SAMD8: variants seen among roughly 807,000 people sequenced by gnomAD.
SAMD8 encodes sterile alpha motif domain containing 8.
Under a neutral mutation model 42.0 loss-of-function variants are expected in SAMD8, and 20 were observed. The observed-to-expected ratio is 0.48, with a 90% CI of 0.34 to 0.69. The LOEUF (loss-of-function observed/expected upper bound fraction) is 0.69, where lower values mean the gene tolerates loss of function less well. Ranked by LOEUF, SAMD8 falls within the 30% of genes least tolerant of loss-of-function variation. SAMD8 has a pLI of 0.01. For synonymous variants in SAMD8, 162 were observed against 173.0 expected (o/e 0.94, Z 0.50); for missense variants, 328 against 511.6 (o/e 0.64, Z 3.46).
chr10:75,141,398 G>A (rs1449564095), intron 1 of SAMD8, among the ~76,000 whole-genome samples: 2 of 151,342 alleles, frequency 1.3e-5, no homozygotes, highest in African/African-American at 4.8e-5. Context: ...TTTGTTTGTC[G>A]ATACTATATG....
Position 75,179,989 on chromosome 10 carries a change from C to G in SAMD8, c.*3297C>G, listed in dbSNP as rs1002241290. On this transcript the variant is annotated 3_prime_UTR_variant, in exon 6 of 6. Transcript: ENST00000542569. Reference sequence around the variant, plus strand: ...AGTCTTCAATGCATTTTCTGTGTTCCTGGCAGCAGTGTTGCCTTTTTTTTT... The same window carrying G: ...AGTCTTCAATGCATTTTCTGTGTTCGTGGCAGCAGTGTTGCCTTTTTTTTT... The G allele has an allele frequency of 6.6e-6, 1 of 151,320 alleles. No individual in the cohort carries two copies. Among genetic ancestry groups the G allele is most frequent in the East Asian group, 1.9e-4 (1 of 5,164 alleles). 9.4% of individuals were successfully genotyped at this position (151,320 alleles called of 1,614,324 possible).
intron 1 of SAMD8, among the ~76,000 whole-genome samples, chr10:75,144,054 G>T (rs1368691062): frequency 1.4e-5 from 2 of 147,846 alleles, no homozygotes; most frequent in Non-Finnish European, 3.0e-5. Context: ...TGCAACCTCT[G>T]CCTCCCGGGT....
At chr10:75,107,926 G>A, upstream of SAMD8, 1 of 1,508,866 alleles carries the variant, frequency 6.6e-7, no homozygotes, top group Non-Finnish European at 9.0e-7. Context: ...TGATGACTGA[G>A]AGGAAATGAG....
chr10:75,163,587 A>G (rs896532136), intron 2 of SAMD8, among the ~76,000 whole-genome samples: 6 of 152,038 alleles, frequency 3.9e-5, no homozygotes, highest in African/African-American at 1.4e-4. Flanking sequence ...GGCGCGCAGC[A>G]CCGCATCTGG....
rs1002824084 is a variant in SAMD8, at chr10:75,105,174, C to G, written c.-16+5446C>G. ...ATTAGCTAAGCCTGGAAAGTTTTCT[C>G]TGTGGCACTGTACCTGGGGTCCAGA... On this transcript the variant is annotated intron_variant, in intron 1 of 3. Transcript: ENST00000447533. Among the ~76,000 whole-genome samples the G allele has an allele frequency of 2.6e-5, 4 of 152,146 alleles. No individual in the cohort carries two copies. The East Asian group carries it at 7.8e-4, about 30-fold the overall frequency.
At chr10:75,132,638 A>C (rs1028218138) in intron 1 of SAMD8, among the ~76,000 whole-genome samples, 2 of 152,134 alleles carry the variant, frequency 1.3e-5, no homozygotes, top group Non-Finnish European at 2.9e-5. Flanking sequence ...ATAAAGAGAA[A>C]TATGTAATAA....
intron 1 of SAMD8, among the ~76,000 whole-genome samples, chr10:75,100,873 C>T (rs1398512453): frequency 2.6e-5 from 4 of 152,264 alleles, no homozygotes; most frequent in Non-Finnish European, 5.9e-5. Flanking sequence ...CCTCCCATGA[C>T]GCTGCTCTGT....
At chr10:75,105,733 T>G in intron 1 of SAMD8, 1 of 1,554,618 alleles carries the variant, frequency 6.4e-7, no homozygotes, top group Non-Finnish European at 8.7e-7. Context: ...GAAGCCTCGG[T>G]TGGGGAAGAC....
chr10:75,163,579 C>A (rs764894479), intron 2 of SAMD8, among the ~76,000 whole-genome samples: 7 of 152,034 alleles, frequency 4.6e-5, no homozygotes, highest in African/African-American at 7.2e-5. Context: ...GACTTACAGG[C>A]GCGCAGCACC....
chr10:75,130,548 T>A (rs981140829), intron 1 of SAMD8, among the ~76,000 whole-genome samples: 2 of 152,070 alleles, frequency 1.3e-5, no homozygotes, highest in Non-Finnish European at 2.9e-5. Flanking sequence ...AAATCTCTGG[T>A]AGGATTTAGT....
At chr10:75,104,070 G>A in intron 1 of SAMD8, 2 of 1,359,700 alleles carry the variant, frequency 1.5e-6, no homozygotes. Context: ...AAGTGGCAGA[G>A]CCCCATGGCA....
chr10:75,115,199 T>G (rs1227799180), intron 1 of SAMD8, among the ~76,000 whole-genome samples: 1 of 152,242 alleles, frequency 6.6e-6, no homozygotes, highest in Non-Finnish European at 1.5e-5. Context: ...CATGTGATTT[T>G]GGGAATTCTT....
chr10:75,105,928 G>A, intron 1 of SAMD8: 1 of 1,489,708 alleles, frequency 6.7e-7, no homozygotes. Flanking sequence ...CACGGGCTGG[G>A]ATGGGGACCC....
chr10:75,152,536 GAAAAA>G (rs541773032), intron 2 of SAMD8, among the ~76,000 whole-genome samples: 3 of 130,292 alleles, frequency 2.3e-5, no homozygotes, highest in Non-Finnish European at 4.9e-5. Context: ...AAAAAAAAAA[GAAAAA>G]AAAAAAAGAA....
intron 1 of SAMD8, among the ~76,000 whole-genome samples, chr10:75,137,654 A>G (rs1564682413): frequency 6.6e-6 from 1 of 152,238 alleles, no homozygotes; most frequent in African/African-American, 2.4e-5. Flanking sequence ...CTTATGTGAA[A>G]TATCTAGAAT....
intron 1 of SAMD8, among the ~76,000 whole-genome samples, chr10:75,148,870 G>A (rs1840212499): frequency 1.3e-5 from 2 of 152,142 alleles, no homozygotes; most frequent in African/African-American, 4.8e-5. Flanking sequence ...TGAAAATAAA[G>A]TTTAATCTAA....
intron 2 of SAMD8, among the ~76,000 whole-genome samples, chr10:75,160,397 G>A (rs1344624573): frequency 9.3e-5 from 14 of 150,894 alleles, no homozygotes; most frequent in Admixed American, 2.6e-4. Flanking sequence ...TAGTAGGGAC[G>A]GGGTTTCACT....
chr10:75,128,928 C>A (rs113667888), intron 1 of SAMD8, among the ~76,000 whole-genome samples: 466 of 152,158 alleles, frequency 3.1e-3, no homozygotes, highest in African/African-American at 0.011. Context: ...CACATACTGA[C>A]GAAAATGTAT....
At chr10:75,108,806 C>T (rs192291781), upstream of SAMD8, among the ~76,000 whole-genome samples, 3 of 152,158 alleles carry the variant, frequency 2.0e-5, no homozygotes, top group African/African-American at 4.8e-5. Flanking sequence ...TTCAGGCAGG[C>T]GAAGTCCCTG....
Sources: allele counts gnomAD v4.1 joint callset (sites outside exome capture counted in the v4.1 genomes callset), GRCh38; gene constraint gnomAD v4.1.1; transcripts MANE v1.5; gene names NCBI Gene and HGNC (gene_info 2026-07-23, HGNC 2026-07-21).